LRRC9: variants seen among roughly 807,000 people sequenced by gnomAD.
LRRC9 encodes the protein leucine rich repeat containing 9, also known as leucine-rich repeat-containing protein 9.
In LRRC9, 122 loss-of-function variants were observed where a neutral mutation model predicts 63.2. The ratio of observed to expected loss-of-function variants is 1.93; its 90% CI spans 1.67 to 2.24. LRRC9 has a LOEUF of 2.24. Ranked by LOEUF, LRRC9 falls within the 30% of genes most tolerant of loss-of-function variation. The probability of loss-of-function intolerance (pLI) is 0.00; values close to 1 mark genes in which losing one functional copy is unlikely to be tolerated. For missense variants in LRRC9, 1,071 were observed against 627.7 expected (o/e 1.71, Z -7.55); for synonymous variants, 366 against 213.1 (o/e 1.72, Z -6.25).
chr14:60,041,121 G>C (rs1892908238), intron 29 of LRRC9, among the ~76,000 whole-genome samples: 1 of 151,452 alleles, frequency 6.6e-6, no homozygotes, highest in Non-Finnish European at 1.5e-5. Context: ...TTTCTGCTGA[G>C]AGATCCACTT....
chr14:59,976,837 C>T (rs1018558622), intron 13 of LRRC9, among the ~76,000 whole-genome samples: 2 of 152,162 alleles, frequency 1.3e-5, no homozygotes, highest in Non-Finnish European at 2.9e-5. Flanking sequence ...ATTAAGTAGA[C>T]ATATATTGAG....
intron 24 of LRRC9, 136 bp downstream of exon 24, chr14:60,016,926 G>T: frequency 2.1e-6 from 1 of 470,542 alleles, no homozygotes; most frequent in Non-Finnish European, 3.8e-6. Flanking sequence ...GTACTGAAAA[G>T]ATTCATGCTA....
intron 23 of LRRC9, among the ~76,000 whole-genome samples, chr14:60,013,278 A>T (rs1890406950): frequency 6.6e-6 from 1 of 152,124 alleles, no homozygotes; most frequent in Admixed American, 6.6e-5. Context: ...CTGCCTAAAC[A>T]AGTCTGACAT....
In LRRC9 at chr14:59,985,232, T is replaced by C. The variant is rs1158733655; in HGVS notation, c.2211+8T>C. 3 of 621,638 alleles carry C rather than the reference T, an allele frequency of 4.8e-6. No homozygotes were observed. Among genetic ancestry groups the C allele is most frequent in the South Asian group, 1.8e-5 (1 of 54,600 alleles). 38.5% of individuals were successfully genotyped at this position (621,638 alleles called of 1,614,324 possible). On this transcript the variant is annotated splice_region_variant and intron_variant, in intron 17 of 31. Coordinates refer to ENST00000445360, the Ensembl canonical transcript of LRRC9. ...GATGATGTATACCACTTGGTAAGAA[T>C]TGTTCCTTTGAATCTAAAAAAGTGA...
rs1883975207 is a variant in LRRC9 at position 59,958,155 on chromosome 14, T to C, written c.883-1663T>C. On this transcript the variant is annotated intron_variant, in intron 8 of 31. Transcript: ENST00000445360. The surrounding 1 kb of genome is among the most constrained non-coding windows in gnomAD (Gnocchi z 4.0). Reference sequence around the variant, plus strand: ...CTGTCCCTTAGCAGAGCTGGTGCACTGTGCTGGGCGAATCCCTCTTGTCAG... The same window carrying C: ...CTGTCCCTTAGCAGAGCTGGTGCACCGTGCTGGGCGAATCCCTCTTGTCAG... 6.6e-6 allele frequency among the ~76,000 whole-genome samples: 1 copy of C among 152,190 alleles called. No individual in the cohort carries two copies. The highest frequency in any genetic ancestry group is 6.5e-5 in the Admixed American group (1 of 15,280).
rs1894467595 is a variant in LRRC9, at chr14:60,058,837, C to T, written c.4276+815C>T. 6.6e-6 allele frequency among the ~76,000 whole-genome samples: 1 copy of T among 151,954 alleles called. No homozygotes were observed. The highest frequency in any genetic ancestry group is 1.5e-5 in the Non-Finnish European group (1 of 67,946). On this transcript the variant is annotated intron_variant, in intron 31 of 31. Transcript: ENST00000445360. This position sits in a 1 kb window ranked among gnomAD's most constrained non-coding sequence, Gnocchi z 4.4. ...TGTGATTAAAGTTTTTTAAAGAAAC[C>T]CACTGAAAAACAAACCAGCATAATT...
intron 13 of LRRC9, among the ~76,000 whole-genome samples, chr14:59,975,586 G>A (rs889528863): frequency 6.6e-6 from 1 of 151,994 alleles, no homozygotes; most frequent in East Asian, 1.9e-4. Context: ...ACATTCTTTA[G>A]TTCCACAAGT....
intron 9 of LRRC9, among the ~76,000 whole-genome samples, chr14:59,960,329 A>G (rs1884224928): frequency 6.6e-6 from 1 of 152,194 alleles, no homozygotes; most frequent in South Asian, 2.1e-4. Context: ...TAAACTCACC[A>G]AATAGATGAG....
intron 29 of LRRC9, among the ~76,000 whole-genome samples, chr14:60,035,043 G>C (rs1892310717): frequency 6.6e-6 from 1 of 151,052 alleles, no homozygotes; most frequent in East Asian, 1.9e-4. Context: ...TTTAACTGGG[G>C]TAAAATGATA....
intron 24 of LRRC9, 128 bp downstream of exon 24, chr14:60,016,918 A>G: frequency 2.0e-6 from 1 of 488,724 alleles, no homozygotes; most frequent in Non-Finnish European, 3.7e-6. Flanking sequence ...TATCTACTGT[A>G]CTGAAAAGAT....
intron 13 of LRRC9, among the ~76,000 whole-genome samples, chr14:59,975,080 G>T: frequency 4.4e-5 from 3 of 67,990 alleles, no homozygotes; most frequent in Admixed American, 2.0e-4. Flanking sequence ...GTGTGTGTGT[G>T]TGTGTAGTGT....
rs1279870773 is a variant in LRRC9, at chr14:59,958,555, C to G, written c.883-1263C>G. On this transcript the variant is annotated intron_variant, in intron 8 of 31. Transcript: ENST00000445360. This position sits in a 1 kb window ranked among gnomAD's most constrained non-coding sequence, Gnocchi z 4.0. ...TTTCAAGCTAGTGGTTCTTAGCTTG[C>G]TGGGCTCTGTGGGAGTGGGACCCGC... 3.3e-5 allele frequency among the ~76,000 whole-genome samples: 5 copies of G among 152,238 alleles called. No homozygotes were observed.
chr14:59,942,507 T>C lies in LRRC9; in HGVS notation c.727-2082T>C, dbSNP rs184009312. ...TTCTGGGCCCAGGTGGGCGGATCAC[T>C]TGAGGTCAGCAGTTTGTAACCAGCC... On this transcript the variant is annotated intron_variant, in intron 7 of 31. Coordinates refer to ENST00000445360, the Ensembl canonical transcript of LRRC9. This position sits in a 1 kb window ranked among gnomAD's most constrained non-coding sequence, Gnocchi z 5.3. Among the ~76,000 whole-genome samples, 1 of 152,290 alleles carries C rather than the reference T, an allele frequency of 6.6e-6. No homozygotes were observed. The highest frequency in any genetic ancestry group is 6.5e-5 in the Admixed American group (1 of 15,294).
chr14:60,045,041 C>G (rs1332376450), intron 29 of LRRC9, among the ~76,000 whole-genome samples: 1 of 114,450 alleles, frequency 8.7e-6, no homozygotes, highest in African/African-American at 3.2e-5. Flanking sequence ...TATATAATGC[C>G]TTTCCTTGTC....
In LRRC9 at chr14:60,060,128, C is replaced by G. The variant is rs1894560663; in HGVS notation, c.4276+2106C>G. Reference sequence around the variant, plus strand: ...AGGGCTCTTAAGAATTATGCTAAATCTACTTTGTCTATGCTCTATCAGTCT... The same window carrying G: ...AGGGCTCTTAAGAATTATGCTAAATGTACTTTGTCTATGCTCTATCAGTCT... On this transcript the variant is annotated intron_variant, in intron 31 of 31. Coordinates refer to ENST00000445360, the Ensembl canonical transcript of LRRC9. This position sits in a 1 kb window ranked among gnomAD's most constrained non-coding sequence, Gnocchi z 4.0. Among the ~76,000 whole-genome samples, 1 of 152,212 alleles carries G rather than the reference C, an allele frequency of 6.6e-6. No homozygotes were observed. Among genetic ancestry groups the G allele is most frequent in the African/African-American group, 2.4e-5 (1 of 41,466 alleles).
At chr14:59,960,106 GGA>G (rs1435927819) in intron 9 of LRRC9, 92 bp downstream of exon 9, 2 of 539,586 alleles carry the variant, frequency 3.7e-6, no homozygotes, top group South Asian at 5.4e-5. Flanking sequence ...CCCTTCTTCA[GGA>G]GTATGAACAA....
chr14:59,934,387 A>G (rs1889958135), intron 6 of LRRC9, among the ~76,000 whole-genome samples: 1 of 152,154 alleles, frequency 6.6e-6, no homozygotes, highest in African/African-American at 2.4e-5. Context: ...AGTTTAGAAT[A>G]CCAGTGGGGC....
intron 23 of LRRC9, among the ~76,000 whole-genome samples, 173 bp downstream of exon 23, chr14:60,008,387 C>T (rs963549094): frequency 2.0e-5 from 3 of 152,216 alleles, no homozygotes; most frequent in Admixed American, 2.0e-4. Flanking sequence ...ATTTTGTCAT[C>T]TGGTCAATTC....
Position 59,941,367 on chromosome 14 carries a change from A to C in LRRC9, c.726+2795A>C, listed in dbSNP as rs558756090. On this transcript the variant is annotated intron_variant, in intron 7 of 31. Coordinates refer to ENST00000445360, the Ensembl canonical transcript of LRRC9. The stretch of plus-strand genomic sequence containing the variant: ...ATGTGAATATATTGCTTATTCAAAA[A>C]AATTAAAATAAAACTAGTATGTTTT... 3.0e-3 allele frequency among the ~76,000 whole-genome samples: 462 copies of C among 151,924 alleles called. 1 individual carries two copies. The highest frequency in any genetic ancestry group is 4.5e-3 in the Admixed American group (69 of 15,262).
Sources: allele counts gnomAD v4.1 joint callset (sites outside exome capture counted in the v4.1 genomes callset), GRCh38; gene constraint gnomAD v4.1.1; non-coding constraint Gnocchi (gnomAD v3.1); transcripts MANE v1.5; gene names NCBI Gene and HGNC (gene_info 2026-07-23, HGNC 2026-07-21).